The following RSF1 variants were observed in gnomAD, a reference collection of about 807,000 sequenced individuals.
RSF1 encodes the protein HBV pX-associated protein 8.
A neutral mutation model predicts 145.2 loss-of-function variants in RSF1; 13 were observed. The ratio of observed to expected loss-of-function variants is 0.09; its 90% CI spans 0.06 to 0.14. RSF1 has a LOEUF of 0.14. RSF1 is among the 10% of genes least tolerant of loss of function. The pLI, the probability that RSF1 is intolerant of heterozygous loss-of-function variation, is 1.00. For missense variants in RSF1, 1,517 were observed against 1,718.2 expected (o/e 0.88, Z 2.07); for synonymous variants, 577 against 592.6 (o/e 0.97, Z 0.38).
chr11:77,847,599 C>G, the RSF1 span, among the ~76,000 whole-genome samples: 47 of 152,228 alleles, frequency 3.1e-4, no homozygotes, highest in African/African-American at 6.0e-4. Context: ...GAATAAGAAG[C>G]CTTAAATCAT....
intron 1 of RSF1, among the ~76,000 whole-genome samples, chr11:77,791,447 T>C (rs1948516286): frequency 6.6e-6 from 1 of 152,234 alleles, no homozygotes; most frequent in African/African-American, 2.4e-5. Flanking sequence ...GATTAACATT[T>C]GGCCCCTCCT....
the RSF1 span, among the ~76,000 whole-genome samples, chr11:77,852,184 A>G: frequency 7.4e-6 from 1 of 134,984 alleles, no homozygotes; most frequent in Non-Finnish European, 1.5e-5. Flanking sequence ...GGCTGCAGTG[A>G]GCTTCACTCC....
chr11:77,842,168 G>A, the RSF1 span, among the ~76,000 whole-genome samples: 1 of 151,984 alleles, frequency 6.6e-6, no homozygotes, highest in East Asian at 1.9e-4. Context: ...TTCTTCTTGG[G>A]GAGAGAATAT....
intron 5 of RSF1, among the ~76,000 whole-genome samples, chr11:77,725,335 A>C (rs550902752): frequency 2.0e-4 from 30 of 152,314 alleles, no homozygotes; most frequent in African/African-American, 7.2e-4. Context: ...TTTTTTACTA[A>C]GATATTTTTA....
intron 5 of RSF1, among the ~76,000 whole-genome samples, chr11:77,718,678 A>AGC (rs1164766826): frequency 6.6e-6 from 1 of 152,190 alleles, no homozygotes; most frequent in African/African-American, 2.4e-5. Flanking sequence ...GAAAACAGAT[A>AGC]GCTTTTTCTC....
chr11:77,759,751 C>G (rs559502597), intron 2 of RSF1, among the ~76,000 whole-genome samples: 45 of 151,796 alleles, frequency 3.0e-4, no homozygotes, highest in Non-Finnish European at 2.4e-4. Context: ...ATCAGACAAG[C>G]CTGTGTTCAA....
chr11:77,766,395 T>C (rs959625727), intron 1 of RSF1, among the ~76,000 whole-genome samples: 5 of 152,172 alleles, frequency 3.3e-5, no homozygotes, highest in African/African-American at 9.7e-5. Flanking sequence ...TATAAAAACA[T>C]TCACCCATTC....
At chr11:77,766,987 C>A (rs955549524) in intron 1 of RSF1, among the ~76,000 whole-genome samples, 3 of 152,040 alleles carry the variant, frequency 2.0e-5, no homozygotes, top group Non-Finnish European at 4.4e-5. Context: ...ACAAAATTAT[C>A]AAAACTTAGT....
At chr11:77,867,930 T>C in the RSF1 span, among the ~76,000 whole-genome samples, 3 of 152,348 alleles carry the variant, frequency 2.0e-5, no homozygotes, top group African/African-American at 7.2e-5. Flanking sequence ...GAGATTGTTA[T>C]GAAATTTTTC....
chr11:77,707,026 T>C (rs1960567911), intron 5 of RSF1, among the ~76,000 whole-genome samples: 1 of 152,236 alleles, frequency 6.6e-6, no homozygotes. Context: ...CTCCATTTTA[T>C]AATTTTATCT....
chr11:77,733,011 G>A (rs940610991), intron 4 of RSF1, among the ~76,000 whole-genome samples: 1 of 152,138 alleles, frequency 6.6e-6, no homozygotes, highest in African/African-American at 2.4e-5. Flanking sequence ...TATGAGTAAT[G>A]TTAAGAATAA....
the RSF1 span, among the ~76,000 whole-genome samples, chr11:77,838,106 T>C: frequency 3.4e-4 from 51 of 152,150 alleles, 1 homozygote; most frequent in Admixed American, 3.3e-3. Flanking sequence ...CTTGCAAAAA[T>C]GGGTTATTAG....
At chr11:77,745,505 T>C (rs1359129100) in intron 3 of RSF1, among the ~76,000 whole-genome samples, 2 of 140,848 alleles carry the variant, frequency 1.4e-5, no homozygotes, top group African/African-American at 6.0e-5. Flanking sequence ...AAATTTCCTT[T>C]TGGATTTTTT....
intron 1 of RSF1, among the ~76,000 whole-genome samples, chr11:77,788,162 A>AAAAAAAAAAAAAAAAAAAAAAAAAG (rs1948478039): frequency 7.3e-6 from 1 of 137,378 alleles, no homozygotes; most frequent in Non-Finnish European, 1.6e-5. Flanking sequence ...AAAAAAAAAA[A>AAAAAAAAAAAAAAAAAAAAAAAAAG]AAAAAAAAAA....
intron 5 of RSF1, among the ~76,000 whole-genome samples, chr11:77,710,314 T>C (rs139068366): frequency 7.9e-4 from 120 of 152,356 alleles, no homozygotes; most frequent in African/African-American, 2.7e-3. Flanking sequence ...ACTTAAAATC[T>C]ATTTGGCAAT....
intron 1 of RSF1, among the ~76,000 whole-genome samples, chr11:77,793,509 T>C (rs1015988475): frequency 1.3e-5 from 2 of 151,716 alleles, no homozygotes; most frequent in Non-Finnish European, 2.9e-5. Flanking sequence ...ACAAGAAATA[T>C]GATCCAACTA....
At chr11:77,863,328 C>T in the RSF1 span, among the ~76,000 whole-genome samples, 4 of 152,098 alleles carry the variant, frequency 2.6e-5, no homozygotes, top group Admixed American at 1.3e-4. Context: ...AAGTCAGCAG[C>T]GGGTCTGTGA....
At chr11:77,674,290 C>A (rs1227553174) in intron 14 of RSF1, among the ~76,000 whole-genome samples, 3 of 152,184 alleles carry the variant, frequency 2.0e-5, no homozygotes, top group Admixed American at 6.5e-5. Context: ...TATCAATTTG[C>A]CAATTACATA....
chr11:77,754,489 C>A (rs1343872206), intron 2 of RSF1, among the ~76,000 whole-genome samples: 1 of 152,082 alleles, frequency 6.6e-6, no homozygotes, highest in African/African-American at 2.4e-5. Context: ...CTCCTGTAAT[C>A]CCAGCACACT....
Sources: gnomAD v4.1 joint callset for allele counts (sites outside exome capture counted in the v4.1 genomes callset) on GRCh38, gnomAD v4.1.1 for gene constraint, MANE v1.5 for transcripts, NCBI Gene and HGNC (gene_info 2026-07-23, HGNC 2026-07-21) for gene names.